LPAR3: variants seen among roughly 807,000 people sequenced by gnomAD.
LPAR3 encodes the protein LPA receptor 3.
A neutral mutation model predicts 17.8 loss-of-function variants in LPAR3; 7 were observed. The observed-to-expected ratio is 0.39, with a 90% CI of 0.22 to 0.74. LPAR3 has a LOEUF of 0.74. Among genes scored for constraint, LPAR3 ranks in the 30% least tolerant of loss-of-function variants. The pLI is 0.40. For missense variants in LPAR3, 391 were observed against 453.4 expected, an observed-to-expected ratio of 0.86 and a Z score of 1.25; for synonymous variants, 179 against 179.9, an observed-to-expected ratio of 0.99 and a Z score of 0.04.
At chr1:84,848,451 G>A (rs1659634765) in intron 2 of LPAR3, among the ~76,000 whole-genome samples, 1 of 152,142 alleles carries the variant, frequency 6.6e-6, no homozygotes, top group Non-Finnish European at 1.5e-5. Context: ...CCCTTGTCAT[G>A]CAGAGGCCAG....
intron 1 of LPAR3, among the ~76,000 whole-genome samples, chr1:84,880,387 G>A (rs948926791): frequency 3.3e-5 from 5 of 152,218 alleles, no homozygotes; most frequent in African/African-American, 4.8e-5. Flanking sequence ...GTCCAGAAAC[G>A]GAGGGCCTTG....
At chr1:84,839,138 AACTGGCACC>A (rs1490681040) in intron 2 of LPAR3, among the ~76,000 whole-genome samples, 14 of 152,254 alleles carry the variant, frequency 9.2e-5, no homozygotes, top group Non-Finnish European at 7.3e-5. Flanking sequence ...TAGATTAAGA[AACTGGCACC>A]ATTTAGATAG....
At chr1:84,820,620 C>T (rs1659034641) in intron 2 of LPAR3, among the ~76,000 whole-genome samples, 1 of 152,140 alleles carries the variant, frequency 6.6e-6, no homozygotes, top group Non-Finnish European at 1.5e-5. Flanking sequence ...GAGAAGGGCC[C>T]TGTGTGCAAT....
At chr1:84,851,943 C>A (rs1007217162) in intron 2 of LPAR3, among the ~76,000 whole-genome samples, 4 of 152,114 alleles carry the variant, frequency 2.6e-5, no homozygotes, top group Non-Finnish European at 5.9e-5. Flanking sequence ...CAAGAAAATG[C>A]TGGAGGAGGG....
rs764354317 is a variant in LPAR3, at chr1:84,865,799, G to GC, written c.321dup (p.Leu108AlafsTer5). Reference sequence around the variant, plus strand: ...GAAGCAGTCAAGCTACTGTCCAGAAGCCCCTGACGGAGAAACCAGCGGTTG... The same window carrying GC: ...GAAGCAGTCAAGCTACTGTCCAGAAGCCCCCTGACGGAGAAACCAGCGGTTG... On this transcript the variant is annotated frameshift_variant, in exon 2 of 3. Transcript: ENST00000370611. LOFTEE classifies it high-confidence loss of function. 6.2e-7 allele frequency: 1 copy of GC among 1,614,224 alleles called. No homozygotes were observed. Among genetic ancestry groups the GC allele is most frequent in the South Asian group, 1.1e-5 (1 of 91,084 alleles).
chr1:84,818,978 T>G (rs2102744454), intron 2 of LPAR3, among the ~76,000 whole-genome samples: 1 of 152,344 alleles, frequency 6.6e-6, no homozygotes, highest in Non-Finnish European at 1.5e-5. Context: ...TTTTATTTTT[T>G]CATTTCCTTT....
At chr1:84,820,614 A>G (rs1017045028) in intron 2 of LPAR3, among the ~76,000 whole-genome samples, 11 of 152,316 alleles carry the variant, frequency 7.2e-5, no homozygotes, top group African/African-American at 2.2e-4. Flanking sequence ...TAGATTGAGA[A>G]GGGCCCTGTG....
At chr1:84,835,457 G>A (rs866610792) in intron 2 of LPAR3, among the ~76,000 whole-genome samples, 2 of 150,774 alleles carry the variant, frequency 1.3e-5, no homozygotes, top group Non-Finnish European at 3.0e-5. Flanking sequence ...ATGTGTGTAC[G>A]TGTGTGTACG....
At chr1:84,892,222 T>G (rs1044274747) in intron 1 of LPAR3, among the ~76,000 whole-genome samples, 33 of 117,854 alleles carry the variant, frequency 2.8e-4, no homozygotes, top group African/African-American at 1.1e-3. Context: ...CAAAAATAAA[T>G]AAATAAATAA....
chr1:84,857,374 C>T (rs1659849164), intron 2 of LPAR3, among the ~76,000 whole-genome samples: 1 of 152,120 alleles, frequency 6.6e-6, no homozygotes, highest in Admixed American at 6.5e-5. Context: ...TTATCCCTTT[C>T]TTACAGATGA....
At chr1:84,886,551 T>C (rs961864529) in intron 1 of LPAR3, among the ~76,000 whole-genome samples, 4 of 152,036 alleles carry the variant, frequency 2.6e-5, no homozygotes, top group African/African-American at 9.7e-5. Context: ...TAATAAATAT[T>C]GTATTCTGCT....
intron 1 of LPAR3, among the ~76,000 whole-genome samples, chr1:84,880,735 C>T (rs944395886): frequency 1.3e-5 from 2 of 152,276 alleles, no homozygotes; most frequent in African/African-American, 2.4e-5. Context: ...AATTGTAGTA[C>T]CAGGGAAGCC....
intron 2 of LPAR3, among the ~76,000 whole-genome samples, chr1:84,824,542 GGT>G (rs1659116370): frequency 6.6e-6 from 1 of 152,088 alleles, no homozygotes; most frequent in African/African-American, 2.4e-5. Context: ...TTGAAATCCT[GGT>G]TATGACTAAG....
intron 2 of LPAR3, among the ~76,000 whole-genome samples, chr1:84,834,179 T>C (rs924172047): frequency 3.9e-5 from 6 of 152,170 alleles, no homozygotes; most frequent in Non-Finnish European, 7.4e-5. Context: ...CTAGATCATA[T>C]AGGTATCAGG....
intron 2 of LPAR3, among the ~76,000 whole-genome samples, chr1:84,828,126 T>C (rs1219731719): frequency 6.6e-6 from 1 of 152,074 alleles, no homozygotes; most frequent in Non-Finnish European, 1.5e-5. Context: ...CTCTCTCTCT[T>C]TTTTTTCTAT....
intron 2 of LPAR3, among the ~76,000 whole-genome samples, chr1:84,847,404 A>G (rs1188125963): frequency 2.0e-5 from 3 of 152,156 alleles, no homozygotes; most frequent in Non-Finnish European, 2.9e-5. Flanking sequence ...TACGCTGGGC[A>G]CGTTGCCCTG....
chr1:84,865,350 T>C (rs1312906503), intron 2 of LPAR3, 35 bp downstream of exon 2: 1 of 1,564,662 alleles, frequency 6.4e-7, no homozygotes, highest in Non-Finnish European at 8.7e-7. Context: ...GCTGAATGAA[T>C]GGGAATGATG....
chr1:84,877,451 T>C (rs1026412617), intron 1 of LPAR3, among the ~76,000 whole-genome samples: 7 of 152,146 alleles, frequency 4.6e-5, no homozygotes, highest in African/African-American at 1.2e-4. Flanking sequence ...AGTCCCCAAG[T>C]AGACAAAGCA....
chr1:84,813,449 G>GACT lies in LPAR3; in HGVS notation c.*394_*396dup, dbSNP rs1156752727. 4.7e-5 allele frequency: 8 copies of GACT among 168,980 alleles called. No homozygotes were observed. In the East Asian group the frequency reaches 1.2e-3, roughly 25 times the overall value. The allele number at this position is 168,980 out of a possible 1,614,324, so 10.5% of individuals were successfully genotyped here. On this transcript the variant is annotated 3_prime_UTR_variant, in exon 3 of 3. Coordinates refer to ENST00000370611, the MANE Select transcript of LPAR3 (RefSeq NM_012152.3). ...TAATGCATGCAGAAAGAACTACATA[G>GACT]ACTCTCCAAGCAGCTATATAAGGTG...
Sources: gnomAD v4.1 joint callset for allele counts (sites outside exome capture counted in the v4.1 genomes callset) on GRCh38, gnomAD v4.1.1 for gene constraint, MANE v1.5 for transcripts, NCBI Gene and HGNC (gene_info 2026-07-23, HGNC 2026-07-21) for gene names.